The following ADCY1 variants were observed in gnomAD, a reference collection of about 807,000 sequenced individuals.
ADCY1 encodes the protein adenylate cyclase 1.
Under a neutral mutation model 105.4 loss-of-function variants are expected in ADCY1, and 28 were observed. The observed-to-expected ratio is 0.27, with a 90% CI of 0.20 to 0.36. The LOEUF (loss-of-function observed/expected upper bound fraction) is 0.36. Among genes scored for constraint, ADCY1 ranks in the 10% least tolerant of loss-of-function variants. The pLI is 1.00. For synonymous variants in ADCY1, 655 were observed against 623.8 expected (o/e 1.05, Z -0.75); for missense variants, 977 against 1,434.2 (o/e 0.68, Z 5.15).
At chr7:45,633,296 C>T (rs962872613) in intron 4 of ADCY1, among the ~76,000 whole-genome samples, 3 of 152,120 alleles carry the variant, frequency 2.0e-5, no homozygotes, top group Admixed American at 6.5e-5. Flanking sequence ...TTGAACATCA[C>T]GGATTTGAAC....
At chr7:45,598,235 G>A (rs1354103966) in intron 2 of ADCY1, among the ~76,000 whole-genome samples, 1 of 152,226 alleles carries the variant, frequency 6.6e-6, no homozygotes, top group African/African-American at 2.4e-5. Flanking sequence ...CAGTGGCAGA[G>A]CCAGGGTGAG....
Position 45,677,836 on chromosome 7 carries a change from G to A in ADCY1, c.1606-33G>A, listed in dbSNP as rs867157684. On this transcript the variant is annotated intron_variant, in intron 8 of 19. Transcript: ENST00000297323. The stretch of plus-strand genomic sequence containing the variant: ...CTTTTCTTCAATAAGTGGAGAATTT[G>A]ATGATACTCCTTTATTTCCATGATG... 10 of 1,595,354 alleles carry A rather than the reference G, an allele frequency of 6.3e-6. No homozygotes were observed. In the Middle Eastern group the frequency reaches 1.7e-3, roughly 269 times the overall value.
At chr7:45,589,268 G>A (rs1257171873) in intron 1 of ADCY1, among the ~76,000 whole-genome samples, 1 of 152,178 alleles carries the variant, frequency 6.6e-6, no homozygotes, top group Non-Finnish European at 1.5e-5. Context: ...GGTGTGGGCA[G>A]CATGTGGCTC....
chr7:45,722,736 T>C lies in ADCY1; in HGVS notation c.*8741T>C, dbSNP rs911399066. 1 of 152,564 alleles carries C rather than the reference T, an allele frequency of 6.6e-6. No homozygotes were observed. Among genetic ancestry groups the C allele is most frequent in the South Asian group, 2.1e-4 (1 of 4,824 alleles). 9.5% of individuals were successfully genotyped at this position (152,564 alleles called of 1,614,324 possible). A position where few individuals can be genotyped will look rare whatever the true frequency, so the allele number is the denominator to read the frequency against. On this transcript the variant is annotated 3_prime_UTR_variant, in exon 20 of 20. Transcript: ENST00000297323. Reference sequence around the variant, plus strand: ...TGTCCCTCTATGGAATGGAGAGTGATGTGGGCAAGGGTGTCATTTTCTCGC... The same window carrying C: ...TGTCCCTCTATGGAATGGAGAGTGACGTGGGCAAGGGTGTCATTTTCTCGC...
intron 16 of ADCY1, 90 bp from the exon 17 acceptor site, chr7:45,704,428 C>CGGCT: frequency 9.3e-7 from 1 of 1,071,168 alleles, no homozygotes; most frequent in Non-Finnish European, 1.4e-6. Context: ...ATGTGTCCAT[C>CGGCT]GGCTCTGCTG....
chr7:45,631,897 C>T (rs1794269184), intron 4 of ADCY1, among the ~76,000 whole-genome samples: 2 of 152,184 alleles, frequency 1.3e-5, no homozygotes, highest in Non-Finnish European at 2.9e-5. Context: ...TAACCAAAGT[C>T]AGATTTTCTC....
rs1355462745 is a variant in ADCY1 at position 45,685,659 on chromosome 7, TGGGGCAGGAGTAACAGGTTGGAGCTG to T, written c.2074-278_2074-253del. On this transcript the variant is annotated intron_variant, in intron 12 of 19. Transcript: ENST00000297323. ...GGGGGCAGGAGGAACAGGATGGAGC[TGGGGCAGGAGTAACAGGTTGGAGCTG>T]GGGGCAGGAGTAACAGGTTGGAGCC... Among the ~76,000 whole-genome samples, 143 of 149,022 alleles carry T rather than the reference TGGGGCAGGAGTAACAGGTTGGAGCTG, an allele frequency of 9.6e-4. 1 individual carries two copies. Among genetic ancestry groups the T allele is most frequent in the African/African-American group, 3.4e-3 (135 of 40,038 alleles).
At chr7:45,683,959 G>A (rs1004764163) in intron 11 of ADCY1, among the ~76,000 whole-genome samples, 1 of 152,278 alleles carries the variant, frequency 6.6e-6, no homozygotes, top group Non-Finnish European at 1.5e-5. Context: ...CACGCCAGGT[G>A]GAAGCGGGGG....
intron 1 of ADCY1, among the ~76,000 whole-genome samples, chr7:45,582,637 C>T (rs1217015189): frequency 6.6e-6 from 1 of 152,158 alleles, no homozygotes; most frequent in Non-Finnish European, 1.5e-5. Context: ...CCTGTTCTCC[C>T]TCCCAGTGTT....
At chr7:45,595,429 T>C (rs1183306706) in intron 2 of ADCY1, among the ~76,000 whole-genome samples, 1 of 152,200 alleles carries the variant, frequency 6.6e-6, no homozygotes, top group East Asian at 1.9e-4. Context: ...TGCCTCCCTC[T>C]CTCTCTGTGA....
rs1400941775 is a variant in ADCY1, at chr7:45,647,706, C to T, written c.1021-964C>T. 6.6e-6 allele frequency among the ~76,000 whole-genome samples: 1 copy of T among 152,212 alleles called. No individual in the cohort carries two copies. The highest frequency in any genetic ancestry group is 1.5e-5 in the Non-Finnish European group (1 of 68,038). On this transcript the variant is annotated intron_variant, in intron 4 of 19. Coordinates refer to ENST00000297323, the MANE Select transcript of ADCY1 (RefSeq NM_021116.4). The surrounding 1 kb of genome is among the most constrained non-coding windows in gnomAD (Gnocchi z 4.6). ...AGGCTCACAGAAGTGGACTGCAATA[C>T]TGTGCTTCTCACTCATTGTCTTTTG...
chr7:45,702,860 C>T (rs1562731097), intron 14 of ADCY1, among the ~76,000 whole-genome samples: 1 of 152,234 alleles, frequency 6.6e-6, no homozygotes. Flanking sequence ...TGCCCCTGCC[C>T]TAGGTCCCTG....
At chr7:45,702,342 C>T (rs1372184327) in intron 14 of ADCY1, among the ~76,000 whole-genome samples, 1 of 152,230 alleles carries the variant, frequency 6.6e-6, no homozygotes, top group African/African-American at 2.4e-5. Context: ...AACCACGGCA[C>T]AGTGAGGCTG....
intron 8 of ADCY1, among the ~76,000 whole-genome samples, chr7:45,670,320 C>T (rs1046325338): frequency 3.1e-4 from 47 of 152,234 alleles, no homozygotes; most frequent in African/African-American, 1.1e-3. Context: ...GGATGCCCGT[C>T]ACAGCCCAGG....
At chr7:45,670,677 G>C (rs756236217) in intron 8 of ADCY1, among the ~76,000 whole-genome samples, 3 of 151,860 alleles carry the variant, frequency 2.0e-5, no homozygotes, top group African/African-American at 7.3e-5. Context: ...GGGTGGACCT[G>C]TGCCCATCAG....
intron 8 of ADCY1, among the ~76,000 whole-genome samples, chr7:45,676,692 G>A (rs971939213): frequency 6.6e-6 from 1 of 152,082 alleles, no homozygotes; most frequent in Admixed American, 6.5e-5. Context: ...ACCACTCAGT[G>A]GAGATGAGCA....
At chr7:45,693,567 G>C (rs1784822785) in intron 14 of ADCY1, among the ~76,000 whole-genome samples, 1 of 150,886 alleles carries the variant, frequency 6.6e-6, no homozygotes, top group Non-Finnish European at 1.5e-5. Context: ...TCTTGGGAGA[G>C]TGTATGTGTC....
intron 4 of ADCY1, among the ~76,000 whole-genome samples, chr7:45,629,488 A>C (rs960464494): frequency 6.6e-6 from 1 of 152,080 alleles, no homozygotes; most frequent in African/African-American, 2.4e-5. Flanking sequence ...TGGCTAAAAA[A>C]CATGGCAGAT....
At position 45,721,812 on chromosome 7, in the gene ADCY1, G is replaced by T. The variant is rs1035217627; in HGVS notation, c.*7817G>T. On this transcript the variant is annotated 3_prime_UTR_variant, in exon 20 of 20. Transcript: ENST00000297323. Reference sequence around the variant, plus strand: ...TGCTCTGACCCTCTCCTGGGCATTGGTTCCTGCTGGTACCGGGCGGTTCAG... The same window carrying T: ...TGCTCTGACCCTCTCCTGGGCATTGTTTCCTGCTGGTACCGGGCGGTTCAG... The T allele has an allele frequency of 7.5e-6, 3 of 398,470 alleles. No homozygotes were observed. In the South Asian group the frequency reaches 3.8e-4, roughly 51 times the overall value. 24.7% of individuals were successfully genotyped at this position (398,470 alleles called of 1,614,324 possible).
Sources: allele counts gnomAD v4.1 joint callset (sites outside exome capture counted in the v4.1 genomes callset), GRCh38; gene constraint gnomAD v4.1.1; non-coding constraint Gnocchi (gnomAD v3.1); transcripts MANE v1.5; gene names NCBI Gene and HGNC (gene_info 2026-07-23, HGNC 2026-07-21).